The following SKIC3 variants were observed in gnomAD, a reference collection of about 807,000 sequenced individuals.
SKIC3 encodes the protein superkiller complex protein 3.
At chr5:95,527,925 A>G in the SKIC3 span, 1 of 1,444,394 alleles carries the variant, frequency 6.9e-7, no homozygotes, top group Non-Finnish European at 9.7e-7. Context: ...AAATCCATAT[A>G]AGTAAATTTT....
chr5:95,544,043 C>T, the SKIC3 span, among the ~76,000 whole-genome samples: 2 of 152,156 alleles, frequency 1.3e-5, no homozygotes, highest in African/African-American at 4.8e-5. Context: ...AAAATAAGAA[C>T]ATTTCCATGA....
the SKIC3 span, among the ~76,000 whole-genome samples, chr5:95,472,936 ATTTCGTTCTTTTT>A: frequency 3.3e-5 from 5 of 151,982 alleles, no homozygotes; most frequent in African/African-American, 1.2e-4. Context: ...GGGGGACATG[ATTTCGTTCTTTTT>A]TTTATGGCTG....
chr5:95,547,332 T>C, the SKIC3 span, among the ~76,000 whole-genome samples: 4 of 152,184 alleles, frequency 2.6e-5, no homozygotes, highest in Non-Finnish European at 4.4e-5. Flanking sequence ...TGTACTCAAA[T>C]GTCACTTCCT....
chr5:95,491,153 T>G, the SKIC3 span: 1 of 1,415,908 alleles, frequency 7.1e-7, no homozygotes, highest in Non-Finnish European at 9.6e-7. Flanking sequence ...TAAAAAAAAA[T>G]TTCACTTTCT....
the SKIC3 span, among the ~76,000 whole-genome samples, chr5:95,511,207 G>A: frequency 6.6e-6 from 1 of 152,162 alleles, no homozygotes; most frequent in South Asian, 2.1e-4. Context: ...TCAGGAGATT[G>A]AGACCATCCT....
chr5:95,503,454 A>C, the SKIC3 span, among the ~76,000 whole-genome samples: 1 of 152,262 alleles, frequency 6.6e-6, no homozygotes, highest in South Asian at 2.1e-4. Context: ...AAAATCTATT[A>C]CTAACAATGG....
At chr5:95,512,766 G>T in the SKIC3 span, 1 of 849,920 alleles carries the variant, frequency 1.2e-6, no homozygotes, top group South Asian at 1.6e-5. Flanking sequence ...TTAAATGAAG[G>T]GTCACTATGA....
chr5:95,481,636 T>C, the SKIC3 span, among the ~76,000 whole-genome samples: 1 of 152,168 alleles, frequency 6.6e-6, no homozygotes, highest in Non-Finnish European at 1.5e-5. Flanking sequence ...GTCAGCTAGA[T>C]GTTCTGAGGT....
chr5:95,533,826 T>C, the SKIC3 span, among the ~76,000 whole-genome samples: 2 of 152,326 alleles, frequency 1.3e-5, no homozygotes, highest in African/African-American at 4.8e-5. Context: ...TAGACTATTG[T>C]TGATCCTATT....
the SKIC3 span, chr5:95,543,435 CAG>C: frequency 1.6e-6 from 2 of 1,257,184 alleles, no homozygotes; most frequent in Non-Finnish European, 2.3e-6. Context: ...TACCACTTAA[CAG>C]GGCAAACTTC....
the SKIC3 span, chr5:95,540,950 G>A: frequency 1.0e-6 from 1 of 970,286 alleles, no homozygotes; most frequent in Admixed American, 2.3e-5. Context: ...CAAAAGCATA[G>A]AACCCCATCT....
chr5:95,469,187 A>G, the SKIC3 span, among the ~76,000 whole-genome samples: 2 of 152,202 alleles, frequency 1.3e-5, no homozygotes, highest in African/African-American at 4.8e-5. Flanking sequence ...ATATTAAAGT[A>G]TTCTTGCCTG....
the SKIC3 span, among the ~76,000 whole-genome samples, chr5:95,465,502 T>C: frequency 6.6e-6 from 1 of 152,326 alleles, no homozygotes; most frequent in East Asian, 1.9e-4. Context: ...GGTTGTTCAT[T>C]GTCAAGCACT....
chr5:95,519,623 A>G, the SKIC3 span, among the ~76,000 whole-genome samples: 1 of 152,094 alleles, frequency 6.6e-6, no homozygotes, highest in African/African-American at 2.4e-5. Context: ...TTCAATAAAA[A>G]TAAAATATCT....
At chr5:95,553,237 G>A in the SKIC3 span, among the ~76,000 whole-genome samples, 3 of 152,126 alleles carry the variant, frequency 2.0e-5, no homozygotes, top group African/African-American at 7.2e-5. Context: ...CACTGCCAAG[G>A]GGAGAAAGAA....
At chr5:95,517,228 C>T in the SKIC3 span, 7 of 1,613,298 alleles carry the variant, frequency 4.3e-6, no homozygotes, top group Non-Finnish European at 5.1e-6. Flanking sequence ...AAAACATGAA[C>T]ATTCACTTTA....
chr5:95,489,071 C>A, the SKIC3 span, among the ~76,000 whole-genome samples: 1 of 152,126 alleles, frequency 6.6e-6, no homozygotes, highest in Non-Finnish European at 1.5e-5. Flanking sequence ...AATCCCAATA[C>A]TTTAGGAGGC....
At chr5:95,525,190 G>A in the SKIC3 span, among the ~76,000 whole-genome samples, 11 of 152,182 alleles carry the variant, frequency 7.2e-5, 2 homozygotes, top group East Asian at 1.9e-3. Context: ...GCCAAGATCA[G>A]CTAATTAGAT....
At chr5:95,498,520 G>A in the SKIC3 span, 1 of 1,614,178 alleles carries the variant, frequency 6.2e-7, no homozygotes, top group Non-Finnish European at 8.5e-7. Flanking sequence ...TGACAGTGTA[G>A]CATCCTGCAT....
Sources: gnomAD v4.1 joint callset for allele counts (sites outside exome capture counted in the v4.1 genomes callset) on GRCh38, gnomAD v4.1.1 for gene constraint, MANE v1.5 for transcripts, NCBI Gene and HGNC (gene_info 2026-07-23, HGNC 2026-07-21) for gene names.